The following COL19A1 variants were observed in gnomAD, a reference collection of about 807,000 sequenced individuals.
COL19A1 encodes the protein collagen alpha-1(XIX) chain.
A neutral mutation model predicts 190.2 loss-of-function variants in COL19A1; 159 were observed. The observed-to-expected ratio is 0.84, with a 90% CI of 0.73 to 0.95. The LOEUF (loss-of-function observed/expected upper bound fraction) is 0.95. COL19A1 is among the 40% of genes least tolerant of loss of function. The pLI, the probability that COL19A1 is intolerant of heterozygous loss-of-function variation, is 0.00. For synonymous variants in COL19A1, 509 were observed against 458.9 expected (o/e 1.11, Z -1.39); for missense variants, 1,418 against 1,431.9 (o/e 0.99, Z 0.16).
At chr6:70,074,498 CAAAAAAA>C (rs368408394) in intron 15 of COL19A1, among the ~76,000 whole-genome samples, 1 of 97,196 alleles carries the variant, frequency 1.0e-5, no homozygotes, top group Admixed American at 1.2e-4. Flanking sequence ...GACTCCACCT[CAAAAAAA>C]AAAAAAAAAA....
Position 69,942,761 on chromosome 6 carries a change from T to TGTGC in COL19A1, c.936+4664_936+4665insCGTG, listed in dbSNP as rs72244508. On this transcript the variant is annotated intron_variant, in intron 9 of 50. Coordinates refer to ENST00000620364, the MANE Select transcript of COL19A1 (RefSeq NM_001858.6). ...GTGTATGTGTGTGTGTGTGTGTGTGTGTGTGTGTGTATAAAACATTTTCTT... is the reference window on the plus strand; with the variant it reads ...GTGTATGTGTGTGTGTGTGTGTGTGTGTGCGTGTGTGTGTATAAAACATTTTCTT... Among the ~76,000 whole-genome samples the TGTGC allele has an allele frequency of 1.7e-4, 26 of 151,876 alleles. No individual in the cohort carries two copies. In the South Asian group the frequency reaches 5.0e-3, roughly 29 times the overall value.
intron 11 of COL19A1, among the ~76,000 whole-genome samples, chr6:69,969,895 T>C (rs1228642570): frequency 6.6e-6 from 1 of 152,158 alleles, no homozygotes; most frequent in Non-Finnish European, 1.5e-5. Flanking sequence ...ACAGTTATCC[T>C]GGACTTGTCC....
intron 11 of COL19A1, among the ~76,000 whole-genome samples, chr6:70,001,301 G>A (rs6910705): frequency 0.014 from 2,111 of 152,214 alleles, 43 homozygotes; most frequent in East Asian, 0.069. Context: ...GTCAGGTAGC[G>A]TGATGCCTCC....
At chr6:69,928,554 G>A (rs773366511) in intron 5 of COL19A1, among the ~76,000 whole-genome samples, 4 of 152,146 alleles carry the variant, frequency 2.6e-5, no homozygotes, top group Non-Finnish European at 5.9e-5. Flanking sequence ...GGAGCATAAG[G>A]CGTAAGGAGA....
chr6:69,916,348 A>T (rs961803158), intron 4 of COL19A1, among the ~76,000 whole-genome samples: 1 of 152,216 alleles, frequency 6.6e-6, no homozygotes, highest in Non-Finnish European at 1.5e-5. Context: ...TAAAAATGAA[A>T]ATTAAAAAGA....
chr6:70,106,443 A>G (rs1476897405), intron 16 of COL19A1, among the ~76,000 whole-genome samples: 3 of 152,106 alleles, frequency 2.0e-5, no homozygotes, highest in Non-Finnish European at 4.4e-5. Flanking sequence ...TACTAACACT[A>G]GTTTTATTAA....
intron 4 of COL19A1, among the ~76,000 whole-genome samples, chr6:69,921,199 A>G (rs1294159672): frequency 2.3e-5 from 3 of 131,384 alleles, no homozygotes; most frequent in Non-Finnish European, 4.6e-5. Flanking sequence ...TATATATATC[A>G]CATATATTCA....
intron 4 of COL19A1, among the ~76,000 whole-genome samples, chr6:69,919,252 A>G (rs1485013930): frequency 1.3e-5 from 2 of 152,184 alleles, no homozygotes; most frequent in East Asian, 1.9e-4. Context: ...TAATTATTAC[A>G]TAGTTTGTTA....
intron 4 of COL19A1, among the ~76,000 whole-genome samples, chr6:69,904,590 G>A (rs1043500350): frequency 1.3e-5 from 2 of 152,162 alleles, no homozygotes; most frequent in African/African-American, 4.8e-5. Flanking sequence ...GGGGGTTCCA[G>A]GGCTCTCCAC....
chr6:69,899,799 C>T (rs1312748246), intron 3 of COL19A1, among the ~76,000 whole-genome samples: 1 of 152,020 alleles, frequency 6.6e-6, no homozygotes, highest in Non-Finnish European at 1.5e-5. Flanking sequence ...TCTTATATTA[C>T]ATTTCATGTG....
intron 2 of COL19A1, among the ~76,000 whole-genome samples, chr6:69,891,994 T>C (rs1027180766): frequency 2.0e-5 from 3 of 152,226 alleles, no homozygotes; most frequent in Non-Finnish European, 4.4e-5. Context: ...TATCATAAGC[T>C]GAATGCTAAG....
chr6:70,020,537 T>C (rs1366805588), intron 11 of COL19A1, among the ~76,000 whole-genome samples: 1 of 152,178 alleles, frequency 6.6e-6, no homozygotes, highest in Non-Finnish European at 1.5e-5. Flanking sequence ...TTTCAAGTTG[T>C]TTATTACAGC....
At chr6:70,063,316 G>A (rs1014092001) in intron 14 of COL19A1, among the ~76,000 whole-genome samples, 2 of 150,026 alleles carry the variant, frequency 1.3e-5, no homozygotes, top group Admixed American at 1.3e-4. Flanking sequence ...TAGAACTCAG[G>A]ATTAAGAAAC....
chr6:70,186,345 C>T (rs1253593031), intron 46 of COL19A1, among the ~76,000 whole-genome samples: 1 of 152,148 alleles, frequency 6.6e-6, no homozygotes, highest in Non-Finnish European at 1.5e-5. Context: ...AATATTTTTT[C>T]TTGTCATCTC....
At chr6:69,929,755 ATCT>A in intron 6 of COL19A1, 55 bp downstream of exon 6, 1 of 1,483,608 alleles carries the variant, frequency 6.7e-7, no homozygotes, top group Non-Finnish European at 9.1e-7. Flanking sequence ...TAAAAAAAAA[ATCT>A]TATTAAAAAC....
At chr6:70,080,617 G>A (rs1782189788) in intron 15 of COL19A1, among the ~76,000 whole-genome samples, 1 of 152,134 alleles carries the variant, frequency 6.6e-6, no homozygotes, top group Non-Finnish European at 1.5e-5. Context: ...ATATAAATGA[G>A]GTCAGGGTAA....
chr6:70,149,793 G>A, intron 28 of COL19A1, 54 bp downstream of exon 28: 8 of 1,613,356 alleles, frequency 5.0e-6, no homozygotes, highest in South Asian at 2.2e-5. Context: ...CTTACTTGGG[G>A]GAAATGACTG....
At chr6:70,006,982 T>A (rs1200631724) in intron 11 of COL19A1, among the ~76,000 whole-genome samples, 1 of 152,064 alleles carries the variant, frequency 6.6e-6, no homozygotes, top group African/African-American at 2.4e-5. Flanking sequence ...TAAAAATATT[T>A]GTTGAACAAA....
At chr6:70,180,570 T>C in intron 44 of COL19A1, 47 bp downstream of exon 44, 1 of 1,571,796 alleles carries the variant, frequency 6.4e-7, no homozygotes, top group Non-Finnish European at 8.8e-7. Context: ...AGAAATGCTC[T>C]AACATTATCT....
Sources: allele counts gnomAD v4.1 joint callset (sites outside exome capture counted in the v4.1 genomes callset), GRCh38; gene constraint gnomAD v4.1.1; transcripts MANE v1.5; gene names NCBI Gene and HGNC (gene_info 2026-07-23, HGNC 2026-07-21).